The following ALG11 variants were observed in gnomAD, a reference collection of about 807,000 sequenced individuals.
The protein encoded by ALG11 is GDP-Man:Man(3)GlcNAc(2)-PP-Dol alpha-1,2-mannosyltransferase.
ALG11 carries 26 observed loss-of-function variants against 38.8 expected under a neutral mutation model. The ratio of observed to expected loss-of-function variants is 0.67; its 90% CI spans 0.49 to 0.93. The LOEUF is 0.93. Ranked by LOEUF, ALG11 falls within the 40% of genes least tolerant of loss-of-function variation. The pLI is 0.00. For synonymous variants in ALG11, 199 were observed against 211.6 expected, an observed-to-expected ratio of 0.94 and a Z score of 0.52; for missense variants, 535 against 578.8, an observed-to-expected ratio of 0.92 and a Z score of 0.78.
chr13:52,013,003 T>C (rs938577842), intron 1 of ALG11, among the ~76,000 whole-genome samples: 6 of 152,350 alleles, frequency 3.9e-5, no homozygotes, highest in Non-Finnish European at 8.8e-5. Flanking sequence ...CATAAAATAT[T>C]ATTTTATTTG....
Position 52,024,114 on chromosome 13 carries a change from G to A in ALG11, c.384G>A (p.Val128=). ...TTAACATCAGATTAATTCACCCAGT[G>A]CAGTTTGTTTTTTTAAGGAAACGCT... ...RRFNIRLIHP[V]QFVFLRKRYL... The change falls in exon 3 of 4, where the codon GTG becomes GTA. Residue 128 remains valine, a synonymous_variant. Transcript: ENST00000521508. The A allele has an allele frequency of 6.2e-7, 1 of 1,614,058 alleles. No individual in the cohort carries two copies. The highest frequency in any genetic ancestry group is 1.1e-5 in the South Asian group (1 of 91,084).
At position 52,030,160 on chromosome 13, in the gene ALG11, G is replaced by T; in HGVS notation, c.*1570G>T. ...AAGAAACAAAAGATTCTAGCAGCCAGGAGGTGCTGTCCGAATTGAGGGCAC... is the reference window on the plus strand; with the variant it reads ...AAGAAACAAAAGATTCTAGCAGCCATGAGGTGCTGTCCGAATTGAGGGCAC... On this transcript the variant is annotated 3_prime_UTR_variant, in exon 4 of 4. Coordinates refer to ENST00000521508, the MANE Select transcript of ALG11 (RefSeq NM_001004127.3). 6.2e-7 allele frequency: 1 copy of T among 1,614,216 alleles called. No homozygotes were observed. Among genetic ancestry groups the T allele is most frequent in the Non-Finnish European group, 8.5e-7 (1 of 1,180,040 alleles).
At chr13:52,020,233 T>G (rs1360245694) in intron 2 of ALG11, among the ~76,000 whole-genome samples, 1 of 152,208 alleles carries the variant, frequency 6.6e-6, no homozygotes, top group African/African-American at 2.4e-5. Context: ...CTTTTAATAT[T>G]TGAGGCTTCG....
chr13:52,032,701 A>C lies in ALG11; in HGVS notation c.*4111A>C, dbSNP rs546727039. On this transcript the variant is annotated 3_prime_UTR_variant, in exon 4 of 4. Coordinates refer to ENST00000521508, the MANE Select transcript of ALG11 (RefSeq NM_001004127.3). ...CAGTCACAGGATGTTCTGACACACC[A>C]TTGTAACTTTTTGTTAGAGATGATC... 4 of 167,122 alleles carry C rather than the reference A, an allele frequency of 2.4e-5. No homozygotes were observed. Among genetic ancestry groups the C allele is most frequent in the Non-Finnish European group, 5.9e-5 (4 of 68,120 alleles). 10.4% of individuals were successfully genotyped at this position (167,122 alleles called of 1,614,324 possible).
intron 3 of ALG11, 121 bp downstream of exon 3, chr13:52,025,058 C>G: frequency 8.9e-7 from 1 of 1,128,628 alleles, no homozygotes. Context: ...CCTCATCCAC[C>G]AAATGTGCTT....
chr13:52,015,262 T>G (rs943584422), intron 1 of ALG11, among the ~76,000 whole-genome samples: 5 of 152,124 alleles, frequency 3.3e-5, no homozygotes, highest in Admixed American at 2.6e-4. Flanking sequence ...TTTAATTAGC[T>G]GGGTGTGGTG....
At chr13:52,019,863 A>G (rs1954170257) in intron 2 of ALG11, among the ~76,000 whole-genome samples, 1 of 152,188 alleles carries the variant, frequency 6.6e-6, no homozygotes, top group South Asian at 2.1e-4. Context: ...AGTCAAAGCT[A>G]CAGTGAGCCA....
intron 2 of ALG11, chr13:52,023,667 TAACCTAATATA>T: frequency 6.5e-6 from 1 of 154,762 alleles, no homozygotes. Flanking sequence ...TGCTTGATTT[TAACCTAATATA>T]TTCTTTTTTT....
At position 52,029,750 on chromosome 13, in the gene ALG11, C is replaced by G; in HGVS notation, c.*1160C>G. On this transcript the variant is annotated 3_prime_UTR_variant, in exon 4 of 4. Transcript: ENST00000521508. ...AAAGGCAATTATGGCCAAATATGAC[C>G]TGGAGGCTCGCCAAGCTATGCAGGA... The G allele has an allele frequency of 6.2e-7, 1 of 1,614,160 alleles. No homozygotes were observed. Among genetic ancestry groups the G allele is most frequent in the Non-Finnish European group, 8.5e-7 (1 of 1,180,032 alleles).
In ALG11 at chr13:52,012,634, G is replaced by C. The variant is rs542353666; in HGVS notation, c.44+172G>C. Among the ~76,000 whole-genome samples the C allele has an allele frequency of 5.3e-5, 8 of 152,230 alleles. No homozygotes were observed. In the South Asian group the frequency reaches 1.2e-3, roughly 24 times the overall value. ...TCTTGGGGGTCTTCTATATAGACTGGAATAGACTAGGTCTTAAAGACTCAA... is the reference window on the plus strand; with the variant it reads ...TCTTGGGGGTCTTCTATATAGACTGCAATAGACTAGGTCTTAAAGACTCAA... On this transcript the variant is annotated intron_variant, in intron 1 of 3. Transcript: ENST00000521508.
rs1954328468 is a variant in ALG11 at position 52,033,587 on chromosome 13, T to C, written c.*4997T>C. 1.2e-5 allele frequency: 2 copies of C among 167,028 alleles called. No homozygotes were observed. The highest frequency in any genetic ancestry group is 6.5e-5 in the Admixed American group (1 of 15,292). The allele number at this position is 167,028 out of a possible 1,614,324, so 10.3% of individuals were successfully genotyped here. A position where few individuals can be genotyped will look rare whatever the true frequency, so the allele number is the denominator to read the frequency against. Reference sequence around the variant, plus strand: ...AAACAAAAATAAAAGTTTGTCTTGCTTGTGAAACATTAAGAAGAGGCTGTC... The same window carrying C: ...AAACAAAAATAAAAGTTTGTCTTGCCTGTGAAACATTAAGAAGAGGCTGTC... On this transcript the variant is annotated 3_prime_UTR_variant, in exon 4 of 4. Coordinates refer to ENST00000521508, the MANE Select transcript of ALG11 (RefSeq NM_001004127.3).
At chr13:52,028,013 C>A (rs1480320474) in intron 3 of ALG11, among the ~76,000 whole-genome samples, 1 of 151,748 alleles carries the variant, frequency 6.6e-6, no homozygotes, top group African/African-American at 2.4e-5. Flanking sequence ...AATCCCAGCA[C>A]TTTGGGAGGC....
Position 52,012,454 on chromosome 13 carries a change from G to A in ALG11, c.36G>A (p.Lys12=), listed in dbSNP as rs759638648. The part of the protein sequence containing the change: ...AAGERSWCLC[K]LLRFFYSLFF... The stretch of plus-strand genomic sequence containing the variant: ...GCGAAAGGAGCTGGTGCCTGTGCAA[G>A]TTGTTGAGGTGAGCAGCCGGTCGTG... The change falls in exon 1 of 4, where the codon AAG becomes AAA. Residue 12 remains lysine (K), a synonymous_variant. Coordinates refer to ENST00000521508, the MANE Select transcript of ALG11 (RefSeq NM_001004127.3). 7 of 1,614,040 alleles carry A rather than the reference G, an allele frequency of 4.3e-6. No homozygotes were observed. Among genetic ancestry groups the A allele is most frequent in the Admixed American group, 1.7e-5 (1 of 60,006 alleles).
Position 52,029,207 on chromosome 13 carries a change from A to G in ALG11, c.*617A>G, listed in dbSNP as rs748613606. On this transcript the variant is annotated 3_prime_UTR_variant, in exon 4 of 4. Coordinates refer to ENST00000521508, the MANE Select transcript of ALG11 (RefSeq NM_001004127.3). ...GATCCACAGAGAAGTAGCATTCAGT[A>G]AAACCTCACAGGTCCTCTCCAAATG... 6 of 1,614,248 alleles carry G rather than the reference A, an allele frequency of 3.7e-6. No individual in the cohort carries two copies. The highest frequency in any genetic ancestry group is 3.3e-5 in the Admixed American group (2 of 60,028).
rs1954261307 is a variant in ALG11 at position 52,028,310 on chromosome 13, T to C, written c.1208-9T>C. The C allele has an allele frequency of 6.2e-7, 1 of 1,614,092 alleles. No individual in the cohort carries two copies. The highest frequency in any genetic ancestry group is 8.5e-7 in the Non-Finnish European group (1 of 1,180,046). ...TAAAAGATTACATGATTTGTGTTTT[T>C]TTTCTCAGGAGTTGTGGAGTGTATG... On this transcript the variant is annotated splice_polypyrimidine_tract_variant and intron_variant, in intron 3 of 3. Transcript: ENST00000521508.
At chr13:52,020,351 T>C (rs572663215) in intron 2 of ALG11, among the ~76,000 whole-genome samples, 22 of 152,308 alleles carry the variant, frequency 1.4e-4, no homozygotes, top group African/African-American at 5.1e-4. Context: ...TTACTCTTCA[T>C]GGTTACCCTA....
At chr13:52,020,593 T>C (rs946827984) in intron 2 of ALG11, 1 of 152,262 alleles carries the variant, frequency 6.6e-6, no homozygotes, top group Non-Finnish European at 1.5e-5. Context: ...TATCTACCTC[T>C]TGATGGCGGT....
At chr13:52,014,210 C>T (rs954880340) in intron 1 of ALG11, among the ~76,000 whole-genome samples, 2 of 152,096 alleles carry the variant, frequency 1.3e-5, no homozygotes, top group Non-Finnish European at 2.9e-5. Flanking sequence ...AATGCAGAAA[C>T]AGAAAGGAGG....
chr13:52,012,424 G>T lies in ALG11; in HGVS notation c.6G>T (p.Ala2=). 1 of 1,614,140 alleles carries T rather than the reference G, an allele frequency of 6.2e-7. No individual in the cohort carries two copies. The highest frequency in any genetic ancestry group is 8.5e-7 in the Non-Finnish European group (1 of 1,180,034). ...AGTTCGGGGGTCGGCGGAAGATGGC[G>T]GCCGGCGAAAGGAGCTGGTGCCTGT... The part of the protein sequence containing the change: M[A]AGERSWCLCK... The change falls in exon 1 of 4, where the codon GCG becomes GCT. Residue 2 remains alanine, a synonymous_variant. Coordinates refer to ENST00000521508, the MANE Select transcript of ALG11 (RefSeq NM_001004127.3).
Sources: gnomAD v4.1 joint callset for allele counts (sites outside exome capture counted in the v4.1 genomes callset) on GRCh38, gnomAD v4.1.1 for gene constraint, MANE v1.5 for transcripts, NCBI Gene and HGNC (gene_info 2026-07-23, HGNC 2026-07-21) for gene names.